USP12: variants seen among roughly 807,000 people sequenced by gnomAD.
USP12 encodes ubiquitin carboxyl-terminal hydrolase 12.
USP12 carries 19 observed loss-of-function variants against 45.5 expected under a neutral mutation model. The observed-to-expected ratio is 0.42, with a 90% CI of 0.29 to 0.61. The LOEUF (loss-of-function observed/expected upper bound fraction) is 0.61, where lower values mean the gene tolerates loss of function less well. Ranked by LOEUF, USP12 falls within the 20% of genes least tolerant of loss-of-function variation. The pLI, the probability that USP12 is intolerant of heterozygous loss-of-function variation, is 0.22. For synonymous variants in USP12, 149 were observed against 148.8 expected, an observed-to-expected ratio of 1.00 and a Z score of -0.01; for missense variants, 242 against 447.7, an observed-to-expected ratio of 0.54 and a Z score of 4.15.
chr13:27,109,966 A>C (rs2137791124), intron 2 of USP12, among the ~76,000 whole-genome samples: 1 of 151,320 alleles, frequency 6.6e-6, no homozygotes, highest in Admixed American at 6.6e-5. Context: ...AATCAATCCA[A>C]TACCACTGCA....
At chr13:27,076,677 T>C (rs1873501797) in intron 6 of USP12, among the ~76,000 whole-genome samples, 1 of 152,146 alleles carries the variant, frequency 6.6e-6, no homozygotes, top group African/African-American at 2.4e-5. Context: ...TTTAAATGGG[T>C]CTGGTGAAGC....
intron 1 of USP12, among the ~76,000 whole-genome samples, chr13:27,144,753 T>A (rs1308342269): frequency 6.6e-6 from 1 of 151,264 alleles, no homozygotes; most frequent in Non-Finnish European, 1.5e-5. Flanking sequence ...TGTTGTTTTT[T>A]TTTTTTCCCC....
chr13:27,162,952 T>G (rs556820765), intron 1 of USP12: 12 of 152,348 alleles, frequency 7.9e-5, no homozygotes, highest in African/African-American at 2.9e-4. Flanking sequence ...TTTTTTAACA[T>G]GTATATACAA....
intron 2 of USP12, among the ~76,000 whole-genome samples, chr13:27,112,586 C>T (rs1875507469): frequency 6.6e-6 from 1 of 152,034 alleles, no homozygotes; most frequent in East Asian, 1.9e-4. Context: ...CTGTGGCCAG[C>T]CAATAATAAC....
At chr13:27,092,616 A>T (rs150127104) in intron 4 of USP12, among the ~76,000 whole-genome samples, 1 of 152,354 alleles carries the variant, frequency 6.6e-6, no homozygotes, top group Non-Finnish European at 1.5e-5. Context: ...TTCAACAGAG[A>T]AAGAATTGTC....
intron 1 of USP12, among the ~76,000 whole-genome samples, chr13:27,119,084 C>T (rs768594808): frequency 1.3e-5 from 2 of 152,152 alleles, no homozygotes; most frequent in Non-Finnish European, 2.9e-5. Flanking sequence ...CAGCTGGTGG[C>T]GCCTGGCACA....
At position 27,124,584 on chromosome 13, in the gene USP12, A is replaced by G. The variant is rs138087977; in HGVS notation, c.49-7988T>C. Among the ~76,000 whole-genome samples, 7 of 152,372 alleles carry G rather than the reference A, an allele frequency of 4.6e-5. No individual in the cohort carries two copies. The East Asian group carries it at 1.3e-3, about 29-fold the overall frequency. On this transcript the variant is annotated intron_variant, in intron 1 of 8. Transcript: ENST00000282344. ...AGCATGTATCATTTTAAGTTAGATC[A>G]GGTCAGTACACAAAGGAGAACCGCC...
At chr13:27,123,620 T>G (rs1876097581) in intron 1 of USP12, among the ~76,000 whole-genome samples, 1 of 152,176 alleles carries the variant, frequency 6.6e-6, no homozygotes, top group South Asian at 2.1e-4. Context: ...CATGCTCTTC[T>G]TGTGATAGTG....
intron 6 of USP12, among the ~76,000 whole-genome samples, chr13:27,084,791 C>G (rs374995334): frequency 2.6e-4 from 40 of 152,248 alleles, no homozygotes; most frequent in African/African-American, 8.2e-4. Flanking sequence ...ATTACTTTAG[C>G]TTTGTAATAT....
chr13:27,119,185 G>A (rs544884123), intron 1 of USP12, among the ~76,000 whole-genome samples: 3 of 152,262 alleles, frequency 2.0e-5, no homozygotes, highest in Non-Finnish European at 4.4e-5. Context: ...CATCTTTTCT[G>A]CTCCGTGCAA....
At chr13:27,087,653 A>G (rs908842449) in intron 6 of USP12, among the ~76,000 whole-genome samples, 1 of 152,212 alleles carries the variant, frequency 6.6e-6, no homozygotes, top group Admixed American at 6.5e-5. Context: ...GTTTTCCCCT[A>G]AGAGAAACCA....
chr13:27,106,995 A>G (rs1875171640), intron 2 of USP12, among the ~76,000 whole-genome samples: 1 of 152,202 alleles, frequency 6.6e-6, no homozygotes, highest in African/African-American at 2.4e-5. Flanking sequence ...AATGAGATAT[A>G]GTCTAATCAT....
At chr13:27,070,351 G>A (rs1230281277) in intron 8 of USP12, among the ~76,000 whole-genome samples, 4 of 151,920 alleles carry the variant, frequency 2.6e-5, no homozygotes, top group African/African-American at 7.3e-5. Context: ...GGCCTGCTGC[G>A]GTGTTGAAAA....
chr13:27,132,574 C>T (rs1442271597), intron 1 of USP12, among the ~76,000 whole-genome samples: 2 of 152,156 alleles, frequency 1.3e-5, no homozygotes, highest in Non-Finnish European at 2.9e-5. Flanking sequence ...GGCTGTACGG[C>T]TTTGTGAATG....
At chr13:27,130,380 C>A (rs978400074) in intron 1 of USP12, among the ~76,000 whole-genome samples, 2 of 152,006 alleles carry the variant, frequency 1.3e-5, no homozygotes, top group Non-Finnish European at 2.9e-5. Flanking sequence ...AGTGACCACA[C>A]ACAACAAGGA....
intron 1 of USP12, among the ~76,000 whole-genome samples, chr13:27,156,832 AAG>A (rs1877864616): frequency 6.7e-6 from 1 of 149,312 alleles, no homozygotes; most frequent in African/African-American, 2.6e-5. Flanking sequence ...AAAAAAACAA[AAG>A]AGAGAGAGAG....
intron 1 of USP12, among the ~76,000 whole-genome samples, chr13:27,141,363 C>T (rs771772168): frequency 2.0e-5 from 3 of 152,090 alleles, no homozygotes; most frequent in African/African-American, 4.8e-5. Context: ...CTAAAAGGAA[C>T]GTATGATTAA....
At position 27,102,539 on chromosome 13, in the gene USP12, T is replaced by C. The variant is rs543342708; in HGVS notation, c.343+3192A>G. The stretch of plus-strand genomic sequence containing the variant: ...TCTTCATCTTATTCCACTCTTGCCA[T>C]GCTAATTTTCTTTCCATCCTTCAAG... On this transcript the variant is annotated intron_variant, in intron 3 of 8. Transcript: ENST00000282344. Among the ~76,000 whole-genome samples, 48 of 152,366 alleles carry C rather than the reference T, an allele frequency of 3.2e-4. 2 individuals are homozygous for C. The highest frequency in any genetic ancestry group is 2.4e-3 in the Admixed American group (36 of 15,312).
At position 27,067,608 on chromosome 13, in the gene USP12, A is replaced by T. The variant is rs1268000681; in HGVS notation, c.*1675T>A. On this transcript the variant is annotated 3_prime_UTR_variant, in exon 9 of 9. Coordinates refer to ENST00000282344, the MANE Select transcript of USP12 (RefSeq NM_182488.4). ...TGTTAAAGGTCTGCTTATGGAAAAA[A>T]TAGGTGAAGTCATTTCCTGAGCCAA... 3 of 152,336 alleles carry T rather than the reference A, an allele frequency of 2.0e-5. No individual in the cohort carries two copies. The highest frequency in any genetic ancestry group is 4.4e-5 in the Non-Finnish European group (3 of 68,036). 9.4% of individuals were successfully genotyped at this position (152,336 alleles called of 1,614,324 possible).
Sources: gnomAD v4.1 joint callset for allele counts (sites outside exome capture counted in the v4.1 genomes callset) on GRCh38, gnomAD v4.1.1 for gene constraint, MANE v1.5 for transcripts, NCBI Gene and HGNC (gene_info 2026-07-23, HGNC 2026-07-21) for gene names.